The following TRAPPC9 variants were observed in gnomAD, a reference collection of about 807,000 sequenced individuals.
TRAPPC9 encodes the protein trafficking protein particle complex subunit 9.
Under a neutral mutation model 124.0 loss-of-function variants are expected in TRAPPC9, and 83 were observed. The observed-to-expected ratio is 0.67, with a 90% CI of 0.56 to 0.80. The LOEUF (loss-of-function observed/expected upper bound fraction) is 0.80, where lower values mean the gene tolerates loss of function less well. TRAPPC9 is among the 30% of genes least tolerant of loss of function. The probability of loss-of-function intolerance (pLI) is 0.00; values close to 1 mark genes in which losing one functional copy is unlikely to be tolerated. For missense variants in TRAPPC9, 1,302 were observed against 1,508.3 expected (o/e 0.86, Z 2.27); for synonymous variants, 638 against 617.5 (o/e 1.03, Z -0.49).
rs369449585 is a variant in TRAPPC9, at chr8:140,443,897, G to A, written c.585-4700C>T. On this transcript the variant is annotated intron_variant, in intron 2 of 22. Transcript: ENST00000438773. ...ACTAAAAACACAAAATTAGCCAGGC[G>A]TGGTGGCGGGCTCCTGTAATCCCAG... is the stretch of plus-strand genomic sequence containing the variant. Among the ~76,000 whole-genome samples the A allele has an allele frequency of 1.5e-4, 23 of 151,804 alleles. No individual in the cohort carries two copies. In the East Asian group the frequency reaches 2.9e-3, roughly 19 times the overall value.
chr8:139,939,527 C>T (rs1833771124), intron 19 of TRAPPC9, among the ~76,000 whole-genome samples: 1 of 152,114 alleles, frequency 6.6e-6, no homozygotes, highest in Non-Finnish European at 1.5e-5. Context: ...GCAGGATCTG[C>T]TCCCAACCCG....
chr8:140,204,202 A>G (rs561511878), intron 17 of TRAPPC9, among the ~76,000 whole-genome samples: 2 of 152,146 alleles, frequency 1.3e-5, no homozygotes, highest in Admixed American at 6.5e-5. Flanking sequence ...TATTCACAAT[A>G]GCAAAGACTT....
chr8:140,013,836 T>C lies in TRAPPC9; in HGVS notation c.2699+10101A>G, dbSNP rs148909709. Among the ~76,000 whole-genome samples the C allele has an allele frequency of 5.8e-3, 888 of 152,110 alleles. 12 individuals carry two copies. The highest frequency in any genetic ancestry group is 0.02 in the African/African-American group (839 of 41,504). On this transcript the variant is annotated intron_variant, in intron 18 of 22. Transcript: ENST00000438773. ...CAGTTTTACAACCCTGCACAGTCAG[T>C]GTTATCTCCTTTTCAAGATGAAGGA... is the stretch of plus-strand genomic sequence containing the variant.
intron 1 of TRAPPC9, among the ~76,000 whole-genome samples, chr8:140,456,128 G>T (rs2071654336): frequency 6.6e-6 from 1 of 152,264 alleles, no homozygotes; most frequent in South Asian, 2.1e-4. Context: ...TTACTGAATT[G>T]GCCAGGCATG....
chr8:140,317,005 A>T (rs1410830949), intron 9 of TRAPPC9, among the ~76,000 whole-genome samples: 3 of 152,176 alleles, frequency 2.0e-5, no homozygotes, highest in Admixed American at 6.5e-5. Flanking sequence ...GTTTGTTGGC[A>T]TATAATTGTT....
At chr8:139,983,049 G>A (rs1837015835) in intron 19 of TRAPPC9, among the ~76,000 whole-genome samples, 2 of 152,170 alleles carry the variant, frequency 1.3e-5, no homozygotes, top group African/African-American at 4.8e-5. Flanking sequence ...ATATTAAAGG[G>A]CAGGGCTTCA....
At chr8:139,918,690 C>T (rs1194882453) in intron 19 of TRAPPC9, among the ~76,000 whole-genome samples, 5 of 152,252 alleles carry the variant, frequency 3.3e-5, no homozygotes, top group African/African-American at 7.2e-5. Context: ...GGAAGCACAG[C>T]CCCTTCGCTT....
intron 21 of TRAPPC9, among the ~76,000 whole-genome samples, chr8:139,797,440 A>G (rs1365451012): frequency 6.6e-6 from 1 of 152,062 alleles, no homozygotes; most frequent in Non-Finnish European, 1.5e-5. Context: ...TTGACTTTTT[A>G]GTAGAGACAG....
At chr8:140,056,963 T>C (rs1387229424) in intron 17 of TRAPPC9, among the ~76,000 whole-genome samples, 2 of 152,190 alleles carry the variant, frequency 1.3e-5, no homozygotes, top group African/African-American at 4.8e-5. Flanking sequence ...TACAACTAAC[T>C]ACTGTAGTTA....
chr8:139,812,856 G>A (rs1399273017), intron 21 of TRAPPC9, among the ~76,000 whole-genome samples: 1 of 152,178 alleles, frequency 6.6e-6, no homozygotes, highest in Non-Finnish European at 1.5e-5. Context: ...ATGGAATGGG[G>A]GAAAACATAA....
Position 140,283,926 on chromosome 8 carries a change from C to T in TRAPPC9, c.2077G>A (p.Ala693Thr), listed in dbSNP as rs147044768. 2.2e-4 allele frequency: 357 copies of T among 1,614,010 alleles called. No homozygotes were observed. Among genetic ancestry groups the T allele is most frequent in the Middle Eastern group, 8.2e-4 (5 of 6,084 alleles). Residue 693 changes from alanine to threonine, a missense_variant, in exon 14 of 23, where the codon GCG (alanine) becomes ACG (threonine). This residue lies in a region of TRAPPC9 where 640 missense variants were observed against 679.3 expected (regional missense o/e 0.94). Coordinates refer to ENST00000438773, the MANE Select transcript of TRAPPC9 (RefSeq NM_001160372.4). The stretch of plus-strand genomic sequence containing the variant: ...GTGCTGATCTGCAGTCTTGGCAACG[C>T]GGGAATGACTTCCACTGTGGAGCCA... ...TSGSTVEVIP[A>T]LPRLQISTSL... is the part of the protein sequence containing the mutation.
At chr8:140,189,450 G>A (rs541642167) in intron 17 of TRAPPC9, among the ~76,000 whole-genome samples, 5 of 152,284 alleles carry the variant, frequency 3.3e-5, no homozygotes, top group East Asian at 1.9e-4. Flanking sequence ...TATAAATCAC[G>A]TTACAGTTCT....
intron 7 of TRAPPC9, among the ~76,000 whole-genome samples, chr8:140,383,506 C>T (rs1261299295): frequency 6.6e-6 from 1 of 152,140 alleles, no homozygotes; most frequent in Non-Finnish European, 1.5e-5. Context: ...ACGAGAACTA[C>T]GTGACGAATG....
chr8:139,765,070 G>A (rs896065819), intron 21 of TRAPPC9, among the ~76,000 whole-genome samples: 2 of 152,176 alleles, frequency 1.3e-5, no homozygotes, highest in African/African-American at 2.4e-5. Flanking sequence ...CCAAGCCAAC[G>A]CTTGGGTTCC....
intron 17 of TRAPPC9, among the ~76,000 whole-genome samples, chr8:140,140,923 C>T (rs1377970718): frequency 6.6e-6 from 1 of 152,206 alleles, no homozygotes. Context: ...TACTTTCCCT[C>T]GCAATACTAA....
chr8:139,920,837 A>G (rs1268990319), intron 19 of TRAPPC9, among the ~76,000 whole-genome samples: 1 of 152,236 alleles, frequency 6.6e-6, no homozygotes, highest in Non-Finnish European at 1.5e-5. Flanking sequence ...AAGCTGGTGC[A>G]TTGACAAAAT....
chr8:140,416,464 C>T (rs1036096828), intron 5 of TRAPPC9, among the ~76,000 whole-genome samples: 2 of 152,134 alleles, frequency 1.3e-5, no homozygotes, highest in Non-Finnish European at 2.9e-5. Flanking sequence ...AACTCCCATT[C>T]ACAATTGCTT....
chr8:140,235,855 A>C (rs181199152), intron 16 of TRAPPC9, among the ~76,000 whole-genome samples: 1 of 152,232 alleles, frequency 6.6e-6, no homozygotes, highest in Non-Finnish European at 1.5e-5. Flanking sequence ...GTTCATCACA[A>C]GTATAATGAA....
intron 9 of TRAPPC9, among the ~76,000 whole-genome samples, chr8:140,345,079 A>G (rs1370015469): frequency 1.3e-5 from 2 of 152,262 alleles, no homozygotes; most frequent in Non-Finnish European, 2.9e-5. Flanking sequence ...GCGGGTCGAC[A>G]GTCAGGCCTG....
Sources: gnomAD v4.1 joint callset for allele counts (sites outside exome capture counted in the v4.1 genomes callset) on GRCh38, gnomAD v4.1.1 for gene constraint, gnomAD v4.1.1 regional missense constraint, MANE v1.5 for transcripts, NCBI Gene and HGNC (gene_info 2026-07-23, HGNC 2026-07-21) for gene names.